Variants in RALYL observed in about 807,000 individuals in gnomAD.
RALYL encodes the protein RNA-binding Raly-like protein.
In RALYL, 29 loss-of-function variants were observed where a neutral mutation model predicts 35.1. The observed-to-expected ratio is 0.83, with a 90% CI of 0.61 to 1.13. RALYL has a LOEUF of 1.13. RALYL is among the 50% of genes most tolerant of loss of function. The pLI, the probability that RALYL is intolerant of heterozygous loss-of-function variation, is 0.00. For missense variants in RALYL, 359 were observed against 360.4 expected (o/e 1.00, Z 0.03); for synonymous variants, 120 against 127.6 (o/e 0.94, Z 0.40).
At chr8:84,763,848 A>G (rs901913557) in intron 2 of RALYL, among the ~76,000 whole-genome samples, 10 of 152,240 alleles carry the variant, frequency 6.6e-5, no homozygotes, top group Admixed American at 6.5e-4. Flanking sequence ...TTTGTATCCT[A>G]TATGAAACGT....
intron 1 of RALYL, among the ~76,000 whole-genome samples, chr8:84,200,213 A>G (rs908422398): frequency 1.4e-4 from 21 of 152,154 alleles, no homozygotes; most frequent in African/African-American, 5.1e-4. Flanking sequence ...ACAAATACTT[A>G]ATTATATTGA....
At chr8:84,390,022 A>G (rs1860253478) in intron 1 of RALYL, among the ~76,000 whole-genome samples, 1 of 152,128 alleles carries the variant, frequency 6.6e-6, no homozygotes. Flanking sequence ...CGTCCCATCA[A>G]TACCTCATTT....
intron 1 of RALYL, among the ~76,000 whole-genome samples, chr8:84,526,686 A>G (rs1333351907): frequency 3.3e-5 from 5 of 152,134 alleles, no homozygotes; most frequent in East Asian, 1.9e-4. Flanking sequence ...ACAAATTCCA[A>G]CTGCCCCAGA....
chr8:84,346,096 C>A, intron 1 of RALYL: 1 of 982,958 alleles, frequency 1.0e-6, no homozygotes, highest in Non-Finnish European at 1.2e-6. Context: ...TGAGCAATTG[C>A]TCTATTTTCT....
chr8:84,251,043 G>A (rs1211337596), intron 1 of RALYL, among the ~76,000 whole-genome samples: 1 of 152,100 alleles, frequency 6.6e-6, no homozygotes, highest in Non-Finnish European at 1.5e-5. Flanking sequence ...TGGTGAAACA[G>A]TGTTTCCAAA....
intron 1 of RALYL, among the ~76,000 whole-genome samples, chr8:84,523,040 T>G (rs2058586558): frequency 6.6e-6 from 1 of 152,062 alleles, no homozygotes; most frequent in Non-Finnish European, 1.5e-5. Context: ...CCAAAGTTGC[T>G]TCCACATTTT....
chr8:84,237,256 A>G (rs1563585464), intron 1 of RALYL, among the ~76,000 whole-genome samples: 1 of 152,216 alleles, frequency 6.6e-6, no homozygotes, highest in Non-Finnish European at 1.5e-5. Context: ...CTGGGCATAA[A>G]TAAGATCACT....
chr8:84,592,860 A>G (rs1237145881), intron 2 of RALYL, among the ~76,000 whole-genome samples: 1 of 152,160 alleles, frequency 6.6e-6, no homozygotes, highest in East Asian at 1.9e-4. Flanking sequence ...ATTTGCACAC[A>G]AGGATAAGGA....
At position 84,613,794 on chromosome 8, in the gene RALYL, T is replaced by C. The variant is rs561285183; in HGVS notation, c.256+84217T>C. On this transcript the variant is annotated intron_variant, in intron 2 of 8. Transcript: ENST00000521268. ...TTTAGTCTCTCAAATATTTTCCTAA[T>C]TCATGCAAAATTATTACTTAAGGTC... is the stretch of plus-strand genomic sequence containing the variant. Among the ~76,000 whole-genome samples, 10 of 150,986 alleles carry C rather than the reference T, an allele frequency of 6.6e-5. No homozygotes were observed. The East Asian group carries it at 1.9e-3, about 29-fold the overall frequency.
At chr8:84,883,686 A>G (rs1430789021) in intron 7 of RALYL, among the ~76,000 whole-genome samples, 1 of 152,044 alleles carries the variant, frequency 6.6e-6, no homozygotes, top group Non-Finnish European at 1.5e-5. Flanking sequence ...GACAAACCAT[A>G]TCAGTACTGG....
intron 2 of RALYL, among the ~76,000 whole-genome samples, chr8:84,539,759 A>C (rs990711448): frequency 2.0e-5 from 3 of 150,234 alleles, no homozygotes; most frequent in Non-Finnish European, 4.4e-5. Flanking sequence ...ATCCCACAGG[A>C]TTTGTTGAAG....
chr8:84,287,706 G>A (rs1270226246), intron 1 of RALYL, among the ~76,000 whole-genome samples: 3 of 152,150 alleles, frequency 2.0e-5, no homozygotes, highest in African/African-American at 4.8e-5. Flanking sequence ...GATGATGATA[G>A]AAATATTCAA....
chr8:84,225,837 T>C (rs909563704), intron 1 of RALYL, among the ~76,000 whole-genome samples: 7 of 152,218 alleles, frequency 4.6e-5, no homozygotes, highest in Admixed American at 3.3e-4. Context: ...ACAGAAACTA[T>C]GTATCTCTTT....
intron 1 of RALYL, among the ~76,000 whole-genome samples, chr8:84,213,695 A>G (rs1474479774): frequency 1.3e-5 from 2 of 152,230 alleles, no homozygotes; most frequent in African/African-American, 4.8e-5. Flanking sequence ...TCCCACTTTG[A>G]AAACAAATCC....
intron 2 of RALYL, among the ~76,000 whole-genome samples, chr8:84,623,650 G>T (rs984317970): frequency 6.6e-6 from 1 of 152,086 alleles, no homozygotes; most frequent in Middle Eastern, 3.2e-3. Context: ...AATACAAACA[G>T]CAATTCGAAG....
At chr8:84,466,593 T>C (rs2051691757) in intron 1 of RALYL, among the ~76,000 whole-genome samples, 4 of 150,240 alleles carry the variant, frequency 2.7e-5, no homozygotes, top group African/African-American at 9.7e-5. Context: ...AGGATATTGG[T>C]CTAAAATTCT....
chr8:84,273,338 A>G (rs1004437566), intron 1 of RALYL, among the ~76,000 whole-genome samples: 2 of 152,080 alleles, frequency 1.3e-5, no homozygotes, highest in Non-Finnish European at 2.9e-5. Context: ...TGGGCCAGGT[A>G]CTCGCCACAT....
At chr8:84,486,373 T>A (rs2054630367) in intron 1 of RALYL, among the ~76,000 whole-genome samples, 1 of 151,224 alleles carries the variant, frequency 6.6e-6, no homozygotes, top group Non-Finnish European at 1.5e-5. Context: ...TTATACTTTT[T>A]TGAAAAAAAG....
At chr8:84,598,355 CTG>C (rs752765182) in intron 2 of RALYL, among the ~76,000 whole-genome samples, 3 of 152,110 alleles carry the variant, frequency 2.0e-5, no homozygotes, top group Non-Finnish European at 4.4e-5. Flanking sequence ...ATGCCCAGCT[CTG>C]TTTCTCATTT....
Sources: gnomAD v4.1 joint callset for allele counts (sites outside exome capture counted in the v4.1 genomes callset) on GRCh38, gnomAD v4.1.1 for gene constraint, MANE v1.5 for transcripts, NCBI Gene and HGNC (gene_info 2026-07-23, HGNC 2026-07-21) for gene names.